Variants in PRKAR1A observed in about 807,000 individuals in gnomAD.
PRKAR1A encodes cAMP-dependent protein kinase type I-alpha regulatory subunit.
PRKAR1A carries 3 observed loss-of-function variants against 52.0 expected under a neutral mutation model. The ratio of observed to expected loss-of-function variants is 0.06; its 90% CI spans 0.03 to 0.15. The LOEUF (loss-of-function observed/expected upper bound fraction) is 0.15, where lower values mean the gene tolerates loss of function less well. Among genes scored for constraint, PRKAR1A ranks in the 10% least tolerant of loss-of-function variants. The probability of loss-of-function intolerance (pLI) is 1.00; values close to 1 mark genes in which losing one functional copy is unlikely to be tolerated. For synonymous variants in PRKAR1A, 188 were observed against 168.4 expected (o/e 1.12, Z -0.90); for missense variants, 240 against 477.4 (o/e 0.50, Z 4.63).
upstream of PRKAR1A, among the ~76,000 whole-genome samples, chr17:68,507,612 C>T (rs1392066185): frequency 6.6e-6 from 1 of 152,016 alleles, no homozygotes; most frequent in Non-Finnish European, 1.5e-5. Flanking sequence ...CAAACCTGCA[C>T]GTTCTTCTGC....
chr17:68,434,510 G>A, the PRKAR1A span: 5 of 1,606,904 alleles, frequency 3.1e-6, no homozygotes, highest in South Asian at 2.2e-5. Flanking sequence ...GGTCCCTGCG[G>A]GACTTCTGCG....
At chr17:68,536,729 C>CT (rs1568713874), downstream of PRKAR1A, 3 of 453,860 alleles carry the variant, frequency 6.6e-6, no homozygotes, top group Admixed American at 7.1e-5. Context: ...CCTTGGAGGA[C>CT]TTTCCTTTTT....
At chr17:68,476,693 A>G in the PRKAR1A span, among the ~76,000 whole-genome samples, 55 of 149,936 alleles carry the variant, frequency 3.7e-4, no homozygotes, top group Middle Eastern at 6.8e-3. Flanking sequence ...TCTTTCTTAG[A>G]TGGAGTCTCG....
chr17:68,420,563 A>C, the PRKAR1A span: 6 of 1,373,022 alleles, frequency 4.4e-6, no homozygotes, highest in Non-Finnish European at 6.0e-6. Flanking sequence ...GCTTTAGTTT[A>C]GTCTTGGAGT....
the PRKAR1A span, among the ~76,000 whole-genome samples, chr17:68,437,387 T>G: frequency 4.1e-4 from 62 of 152,080 alleles, 1 homozygote; most frequent in African/African-American, 1.4e-3. Context: ...AAACCCTGTC[T>G]CTATTAAAAA....
chr17:68,444,581 C>G, the PRKAR1A span: 2 of 1,613,256 alleles, frequency 1.2e-6, no homozygotes, highest in Admixed American at 3.3e-5. Context: ...CTAGGCAAAC[C>G]AGCAGCCTCT....
At chr17:68,480,929 C>T in the PRKAR1A span, among the ~76,000 whole-genome samples, 1 of 152,198 alleles carries the variant, frequency 6.6e-6, no homozygotes, top group East Asian at 1.9e-4. Flanking sequence ...CAGTTTTATT[C>T]AGGAATCTTA....
intron 3 of PRKAR1A, 31 bp downstream of exon 3, chr17:68,522,957 G>A (rs2085664674): frequency 2.5e-6 from 4 of 1,610,816 alleles, no homozygotes; most frequent in Non-Finnish European, 2.5e-6. Context: ...TCGGGGGGAT[G>A]CTTTTGGGAC....
the PRKAR1A span, among the ~76,000 whole-genome samples, chr17:68,496,763 T>A: frequency 6.6e-6 from 1 of 150,694 alleles, no homozygotes; most frequent in East Asian, 2.0e-4. Flanking sequence ...AAAGAAGGGG[T>A]CAACAAATTT....
intron 11 of PRKAR1A, among the ~76,000 whole-genome samples, chr17:68,545,997 G>A (rs2086538175): frequency 6.6e-6 from 1 of 151,836 alleles, no homozygotes; most frequent in African/African-American, 2.4e-5. Context: ...GTGAAACCCT[G>A]TCTCTACTAA....
chr17:68,486,471 CTCCTTCCTTCCTTCCT>C, the PRKAR1A span, among the ~76,000 whole-genome samples: 4,126 of 96,984 alleles, frequency 0.043, 229 homozygotes, highest in East Asian at 0.13. Context: ...CTTTCTTTCT[CTCCTTCCTTCCTTCCT>C]TCCTTCCTTC....
chr17:68,457,305 C>A, the PRKAR1A span: 1 of 1,538,042 alleles, frequency 6.5e-7, no homozygotes, highest in Non-Finnish European at 8.8e-7. Context: ...GACACTCTGT[C>A]CCCCACCTCC....
At chr17:68,539,050 CAGT>C (rs1568717326) in intron 11 of PRKAR1A, among the ~76,000 whole-genome samples, 1 of 152,124 alleles carries the variant, frequency 6.6e-6, no homozygotes, top group South Asian at 2.1e-4. Flanking sequence ...CTTTACAACA[CAGT>C]GGTGGATAGC....
chr17:68,481,054 A>G, the PRKAR1A span, among the ~76,000 whole-genome samples: 1 of 152,218 alleles, frequency 6.6e-6, no homozygotes, highest in Non-Finnish European at 1.5e-5. Context: ...CTACCCAGTT[A>G]TAGCAACAGC....
upstream of PRKAR1A, among the ~76,000 whole-genome samples, chr17:68,508,622 C>T (rs1263139582): frequency 1.3e-5 from 2 of 152,188 alleles, no homozygotes; most frequent in Admixed American, 6.5e-5. Flanking sequence ...CTTAGCATCA[C>T]ACAATATACC....
chr17:68,454,333 C>A, the PRKAR1A span, among the ~76,000 whole-genome samples: 1,261 of 152,306 alleles, frequency 8.3e-3, 20 homozygotes, highest in African/African-American at 0.026. Flanking sequence ...CTAAAATAAG[C>A]AACTTACTAT....
chr17:68,527,725 G>C, intron 7 of PRKAR1A, 115 bp from the exon 8 acceptor site: 1 of 886,796 alleles, frequency 1.1e-6, no homozygotes, highest in East Asian at 2.6e-5. Flanking sequence ...AAAGCAACAA[G>C]CTTTGACTTT....
chr17:68,442,549 G>C, the PRKAR1A span, among the ~76,000 whole-genome samples: 9 of 151,874 alleles, frequency 5.9e-5, no homozygotes, highest in Admixed American at 5.9e-4. Context: ...TGGGGGTCAA[G>C]TGTGCAACAG....
intron 11 of PRKAR1A, chr17:68,541,513 T>G: frequency 5.4e-6 from 1 of 186,802 alleles, no homozygotes. Flanking sequence ...ATCGATTCAC[T>G]CAGTCAGCTA....
Sources: allele counts gnomAD v4.1 joint callset (sites outside exome capture counted in the v4.1 genomes callset), GRCh38; gene constraint gnomAD v4.1.1; transcripts MANE v1.5; gene names NCBI Gene and HGNC (gene_info 2026-07-23, HGNC 2026-07-21).